PRR16: variants seen among roughly 807,000 people sequenced by gnomAD.
The protein encoded by PRR16 is protein Largen.
PRR16 carries 6 observed loss-of-function variants against 18.2 expected under a neutral mutation model. The observed-to-expected ratio is 0.33, with a 90% CI of 0.18 to 0.65. PRR16 has a LOEUF of 0.65. PRR16 is among the 30% of genes least tolerant of loss of function. The pLI, the probability that PRR16 is intolerant of heterozygous loss-of-function variation, is 0.74. For synonymous variants in PRR16, 151 were observed against 147.8 expected (o/e 1.02, Z -0.16); for missense variants, 412 against 376.6 (o/e 1.09, Z -0.78).
chr5:120,724,434 T>G, the PRR16 span, among the ~76,000 whole-genome samples: 521 of 152,186 alleles, frequency 3.4e-3, 7 homozygotes, highest in Admixed American at 0.027. Context: ...TCCTAAGGGT[T>G]GCTGAGAAAA....
At chr5:120,612,644 T>C (rs1754372789) in intron 1 of PRR16, among the ~76,000 whole-genome samples, 1 of 152,158 alleles carries the variant, frequency 6.6e-6, no homozygotes, top group South Asian at 2.1e-4. Flanking sequence ...TCCCCAGCCA[T>C]GTAGAACTAT....
chr5:120,709,354 A>G, the PRR16 span, among the ~76,000 whole-genome samples: 1 of 152,112 alleles, frequency 6.6e-6, no homozygotes, highest in South Asian at 2.1e-4. Context: ...TTTTAAAAAC[A>G]ATTATATGGA....
At chr5:120,738,609 AT>A in the PRR16 span, among the ~76,000 whole-genome samples, 2 of 152,192 alleles carry the variant, frequency 1.3e-5, no homozygotes, top group Non-Finnish European at 2.9e-5. Context: ...CTATGAACAT[AT>A]AAAACCAAAC....
intron 1 of PRR16, among the ~76,000 whole-genome samples, chr5:120,608,133 C>T (rs946832057): frequency 3.9e-5 from 6 of 152,198 alleles, no homozygotes; most frequent in African/African-American, 1.4e-4. Context: ...CCTTTTGTTT[C>T]CTGATAATAT....
At chr5:120,634,069 A>G (rs1163563191) in intron 1 of PRR16, among the ~76,000 whole-genome samples, 1 of 152,182 alleles carries the variant, frequency 6.6e-6, no homozygotes, top group Non-Finnish European at 1.5e-5. Flanking sequence ...TTGAAATTAT[A>G]TCAAGTACTC....
At chr5:120,709,149 A>G in the PRR16 span, among the ~76,000 whole-genome samples, 2 of 150,782 alleles carry the variant, frequency 1.3e-5, no homozygotes, top group Non-Finnish European at 3.0e-5. Context: ...CTGGGACTAC[A>G]GGCGCCCGTC....
At chr5:120,661,546 C>T (rs1200106806) in intron 1 of PRR16, among the ~76,000 whole-genome samples, 1 of 151,916 alleles carries the variant, frequency 6.6e-6, no homozygotes, top group African/African-American at 2.4e-5. Flanking sequence ...CAATATGGAA[C>T]TAATCCTAAA....
chr5:120,750,397 A>G, the PRR16 span, among the ~76,000 whole-genome samples: 15,757 of 151,962 alleles, frequency 0.1, 1,041 homozygotes, highest in African/African-American at 0.18. Flanking sequence ...GGTGGCTCAC[A>G]CCTGTAATCC....
At chr5:120,768,362 T>C in the PRR16 span, among the ~76,000 whole-genome samples, 1 of 151,800 alleles carries the variant, frequency 6.6e-6, no homozygotes, top group African/African-American at 2.4e-5. Context: ...TTTTAATCCC[T>C]CATATTTTCC....
chr5:120,686,740 T>C lies in PRR16; in HGVS notation c.*31T>C. The C allele has an allele frequency of 1.4e-6, 2 of 1,384,812 alleles. No individual in the cohort carries two copies. Among genetic ancestry groups the C allele is most frequent in the South Asian group, 3.5e-5 (2 of 57,040 alleles). The allele number at this position is 1,384,812 out of a possible 1,614,324, so 85.8% of individuals were successfully genotyped here. Reference sequence around the variant, plus strand: ...GCCATTAAAAAAATTGTTTTTTTAATTTTCTATATTATAAACATAAAATAA... The same window carrying C: ...GCCATTAAAAAAATTGTTTTTTTAACTTTCTATATTATAAACATAAAATAA... On this transcript the variant is annotated 3_prime_UTR_variant, in exon 2 of 2. Transcript: ENST00000407149.
intron 1 of PRR16, among the ~76,000 whole-genome samples, chr5:120,566,461 T>C (rs1752741500): frequency 1.3e-5 from 2 of 152,220 alleles, no homozygotes; most frequent in African/African-American, 4.8e-5. Flanking sequence ...TTGAATCTTG[T>C]TGAGCTTTAT....
the PRR16 span, among the ~76,000 whole-genome samples, chr5:120,783,588 A>G: frequency 1.6e-4 from 24 of 152,104 alleles, no homozygotes; most frequent in African/African-American, 5.3e-4. Context: ...TTTAATTTTT[A>G]TGAGTACATA....
At chr5:120,623,658 A>G (rs900902431) in intron 1 of PRR16, among the ~76,000 whole-genome samples, 8 of 152,258 alleles carry the variant, frequency 5.3e-5, no homozygotes, top group Non-Finnish European at 1.0e-4. Flanking sequence ...TGTCTTTACC[A>G]TGTCATAGAC....
At chr5:120,782,317 C>A in the PRR16 span, among the ~76,000 whole-genome samples, 1 of 152,144 alleles carries the variant, frequency 6.6e-6, no homozygotes, top group Non-Finnish European at 1.5e-5. Context: ...AACCACAATC[C>A]CTCCATACAT....
intron 1 of PRR16, among the ~76,000 whole-genome samples, chr5:120,592,533 C>T (rs1167100448): frequency 4.6e-5 from 7 of 152,064 alleles, no homozygotes; most frequent in South Asian, 2.1e-4. Context: ...GATAGGCTTT[C>T]GGTGAGTGAC....
At chr5:120,580,215 C>G (rs974885043) in intron 1 of PRR16, among the ~76,000 whole-genome samples, 2 of 151,994 alleles carry the variant, frequency 1.3e-5, no homozygotes, top group African/African-American at 2.4e-5. Context: ...ATTTGAATAC[C>G]CTTTATTTCT....
the PRR16 span, among the ~76,000 whole-genome samples, chr5:120,757,515 G>T: frequency 6.6e-6 from 1 of 151,748 alleles, no homozygotes; most frequent in Non-Finnish European, 1.5e-5. Context: ...GTGAAAATTT[G>T]ATCTACTGGC....
intron 1 of PRR16, among the ~76,000 whole-genome samples, chr5:120,634,406 G>A (rs962064844): frequency 6.6e-6 from 1 of 152,194 alleles, no homozygotes; most frequent in African/African-American, 2.4e-5. Flanking sequence ...CACTTTGGGA[G>A]GCCAAGGCAG....
intron 1 of PRR16, among the ~76,000 whole-genome samples, chr5:120,639,316 G>A (rs1304654630): frequency 6.6e-6 from 1 of 151,916 alleles, no homozygotes; most frequent in African/African-American, 2.4e-5. Flanking sequence ...TCATAAAAAT[G>A]GAAATAATGT....
Sources: gnomAD v4.1 joint callset for allele counts (sites outside exome capture counted in the v4.1 genomes callset) on GRCh38, gnomAD v4.1.1 for gene constraint, MANE v1.5 for transcripts, NCBI Gene and HGNC (gene_info 2026-07-23, HGNC 2026-07-21) for gene names.